Variants in ARHGAP44 observed in about 807,000 individuals in gnomAD.
ARHGAP44 encodes rho GTPase-activating protein 44.
A neutral mutation model predicts 106.8 loss-of-function variants in ARHGAP44; 43 were observed. The observed-to-expected ratio is 0.40, with a 90% CI of 0.32 to 0.52. The LOEUF is 0.52. Ranked by LOEUF, ARHGAP44 falls within the 20% of genes least tolerant of loss-of-function variation. ARHGAP44 has a pLI of 0.48. For missense variants in ARHGAP44, 866 were observed against 1,050.5 expected, an observed-to-expected ratio of 0.82 and a Z score of 2.43; for synonymous variants, 439 against 410.3, an observed-to-expected ratio of 1.07 and a Z score of -0.85.
intron 1 of ARHGAP44, among the ~76,000 whole-genome samples, chr17:12,810,075 C>T (rs758129311): frequency 6.6e-6 from 1 of 151,400 alleles, no homozygotes; most frequent in Non-Finnish European, 1.5e-5. Flanking sequence ...GAGGAATGGC[C>T]TGTGGGGCAT....
At chr17:12,896,631 T>G (rs2037215167) in intron 3 of ARHGAP44, 120 bp downstream of exon 3, 2 of 825,956 alleles carry the variant, frequency 2.4e-6, no homozygotes, top group Middle Eastern at 4.6e-4. Context: ...GAGAATTGAC[T>G]CAGCAGCTCT....
intron 1 of ARHGAP44, among the ~76,000 whole-genome samples, chr17:12,844,533 A>G (rs1359635502): frequency 6.6e-6 from 1 of 152,172 alleles, no homozygotes; most frequent in Non-Finnish European, 1.5e-5. Flanking sequence ...TGCATTAACT[A>G]TGGGGGACAC....
chr17:12,839,664 A>G (rs978288731), intron 1 of ARHGAP44, among the ~76,000 whole-genome samples: 4 of 152,226 alleles, frequency 2.6e-5, no homozygotes, highest in Admixed American at 6.5e-5. Flanking sequence ...TATTTCACCA[A>G]TGACCCTAGG....
chr17:12,987,383 C>T lies in ARHGAP44; in HGVS notation c.2317+2475C>T. The T allele has an allele frequency of 8.9e-6, 4 of 449,160 alleles. No individual in the cohort carries two copies. The Admixed American group carries it at 1.6e-4, about 18-fold the overall frequency. 27.8% of individuals were successfully genotyped at this position (449,160 alleles called of 1,614,324 possible). Reference sequence around the variant, plus strand: ...TCATTAGGAGGAGCTGGGGGAGAACCCAGCCAGCCCCTTTCCCCCACCTTC... The same window carrying T: ...TCATTAGGAGGAGCTGGGGGAGAACTCAGCCAGCCCCTTTCCCCCACCTTC... On this transcript the variant is annotated intron_variant, in intron 20 of 20. Transcript: ENST00000379672.
At chr17:12,947,325 C>T (rs1030160424) in intron 10 of ARHGAP44, among the ~76,000 whole-genome samples, 2 of 152,144 alleles carry the variant, frequency 1.3e-5, no homozygotes, top group African/African-American at 2.4e-5. Context: ...TAACCATCCT[C>T]GAAACTTCTA....
At chr17:12,827,522 C>G (rs2150806430) in intron 1 of ARHGAP44, among the ~76,000 whole-genome samples, 1 of 152,094 alleles carries the variant, frequency 6.6e-6, no homozygotes, top group South Asian at 2.1e-4. Flanking sequence ...GTAATGCCCA[C>G]ATAATAATAT....
intron 7 of ARHGAP44, among the ~76,000 whole-genome samples, chr17:12,934,760 C>T (rs1369691806): frequency 1.3e-5 from 2 of 152,170 alleles, no homozygotes; most frequent in Non-Finnish European, 2.9e-5. Flanking sequence ...GAATATACAA[C>T]ACTAGGAGTG....
intron 17 of ARHGAP44, chr17:12,973,580 TGGGGCTA>T: frequency 1.8e-6 from 1 of 545,838 alleles, no homozygotes; most frequent in South Asian, 2.6e-5. Flanking sequence ...GTGGTGGAGC[TGGGGCTA>T]GACTCCAAGT....
At chr17:12,925,453 G>C (rs756998927) in intron 6 of ARHGAP44, among the ~76,000 whole-genome samples, 3 of 152,202 alleles carry the variant, frequency 2.0e-5, no homozygotes, top group African/African-American at 7.2e-5. Context: ...AGAAGGAACA[G>C]TGAATGCCCC....
intron 16 of ARHGAP44, among the ~76,000 whole-genome samples, chr17:12,971,574 A>C (rs559925209): frequency 6.6e-6 from 1 of 152,276 alleles, no homozygotes; most frequent in East Asian, 1.9e-4. Flanking sequence ...CCTGCAGACC[A>C]CAGTTCGATG....
chr17:12,931,910 T>C (rs2038416075), intron 7 of ARHGAP44, among the ~76,000 whole-genome samples: 2 of 151,478 alleles, frequency 1.3e-5, no homozygotes, highest in Admixed American at 1.3e-4. Context: ...ATTTTCCTAT[T>C]AATGGATGTT....
At chr17:12,792,597 A>G (rs1321534949) in intron 1 of ARHGAP44, among the ~76,000 whole-genome samples, 1 of 152,208 alleles carries the variant, frequency 6.6e-6, no homozygotes, top group African/African-American at 2.4e-5. Context: ...GTAGAAGCAC[A>G]TAGGATTGGA....
intron 16 of ARHGAP44, among the ~76,000 whole-genome samples, chr17:12,960,585 G>C (rs1457773487): frequency 1.5e-5 from 2 of 130,560 alleles, no homozygotes; most frequent in Admixed American, 1.6e-4. Context: ...AAAAGAAAGA[G>C]AGTCTCGCTC....
Position 12,852,596 on chromosome 17 carries a change from C to CA in ARHGAP44, c.54-42343dup, listed in dbSNP as rs2035786114. 1.3e-5 allele frequency among the ~76,000 whole-genome samples: 2 copies of CA among 148,668 alleles called. 1 individual carries two copies. Among genetic ancestry groups the CA allele is most frequent in the South Asian group, 4.2e-4 (2 of 4,710 alleles). ...TTGCTCTGTTGCCCAGGCTGGAGTG[C>CA]AGTGGTGCAATCTCGGCTCACTGCA... On this transcript the variant is annotated intron_variant, in intron 1 of 20. Transcript: ENST00000379672.
chr17:12,965,590 AGGAGGGT>A, intron 16 of ARHGAP44, among the ~76,000 whole-genome samples: 1 of 152,304 alleles, frequency 6.6e-6, no homozygotes, highest in South Asian at 2.1e-4. Context: ...ATGAATGGGG[AGGAGGGT>A]GGACTCTGAT....
intron 1 of ARHGAP44, among the ~76,000 whole-genome samples, chr17:12,888,698 A>C (rs1311164592): frequency 6.6e-6 from 1 of 152,154 alleles, no homozygotes; most frequent in South Asian, 2.1e-4. Flanking sequence ...GAAGTTTCCA[A>C]CTATAGTTGT....
chr17:12,951,438 G>T (rs12449811), intron 12 of ARHGAP44, among the ~76,000 whole-genome samples: 25,845 of 152,148 alleles, frequency 0.17, 2,409 homozygotes, highest in East Asian at 0.39. Context: ...CAAGAATGTG[G>T]TCCTAGGGAT....
intron 20 of ARHGAP44, chr17:12,987,957 G>A (rs999502507): frequency 3.9e-5 from 6 of 152,186 alleles, no homozygotes; most frequent in African/African-American, 1.4e-4. Context: ...GTAAGTAGGG[G>A]TGGCCAAAGC....
chr17:12,830,183 ACTATGAGT>A (rs2035042962), intron 1 of ARHGAP44, among the ~76,000 whole-genome samples: 1 of 152,230 alleles, frequency 6.6e-6, no homozygotes, highest in Non-Finnish European at 1.5e-5. Flanking sequence ...GCCAAAAAGA[ACTATGAGT>A]CTTTTTCCTA....
Sources: gnomAD v4.1 joint callset for allele counts (sites outside exome capture counted in the v4.1 genomes callset) on GRCh38, gnomAD v4.1.1 for gene constraint, MANE v1.5 for transcripts, NCBI Gene and HGNC (gene_info 2026-07-23, HGNC 2026-07-21) for gene names.